Variants in UGGT2 observed in about 807,000 individuals in gnomAD.
The protein encoded by UGGT2 is UDP-glucose:glycoprotein glucosyltransferase 2.
A neutral mutation model predicts 192.1 loss-of-function variants in UGGT2; 180 were observed. The observed-to-expected ratio is 0.94, with a 90% CI of 0.83 to 1.06. The LOEUF is 1.06. Among genes scored for constraint, UGGT2 ranks in the 50% least tolerant of loss-of-function variants. The pLI is 0.00. For missense variants in UGGT2, 1,849 were observed against 1,795.7 expected (o/e 1.03, Z -0.54); for synonymous variants, 580 against 591.0 (o/e 0.98, Z 0.27).
chr13:95,896,690 C>T (rs967492098), intron 22 of UGGT2, among the ~76,000 whole-genome samples: 1 of 152,056 alleles, frequency 6.6e-6, no homozygotes. Context: ...AGCACAGCAT[C>T]AAACAGGAGA....
intron 4 of UGGT2, among the ~76,000 whole-genome samples, chr13:96,015,691 G>T (rs2052314351): frequency 6.6e-6 from 1 of 152,142 alleles, no homozygotes; most frequent in Non-Finnish European, 1.5e-5. Context: ...TAAAACTTCA[G>T]CTTTCTGAAG....
chr13:95,859,718 A>G, intron 32 of UGGT2, 43 bp from the exon 33 acceptor site: 5 of 1,366,322 alleles, frequency 3.7e-6, no homozygotes, highest in Non-Finnish European at 4.0e-6. Context: ...TAACAGTAAC[A>G]GGAGCTCATA....
intron 10 of UGGT2, among the ~76,000 whole-genome samples, chr13:95,981,648 T>C (rs918477160): frequency 1.3e-5 from 2 of 152,220 alleles, no homozygotes; most frequent in African/African-American, 4.8e-5. Flanking sequence ...TACTTCTTTT[T>C]TCGGTGAACA....
chr13:96,006,462 T>C (rs1212323559), intron 5 of UGGT2, among the ~76,000 whole-genome samples: 1 of 151,542 alleles, frequency 6.6e-6, no homozygotes, highest in Admixed American at 6.6e-5. Context: ...ATGTCTCTAC[T>C]AAAAATACAA....
intron 4 of UGGT2, among the ~76,000 whole-genome samples, chr13:96,015,158 G>C (rs1191095919): frequency 4.0e-5 from 6 of 151,770 alleles, no homozygotes. Context: ...GACGCCTGTA[G>C]TCCCAGCTAC....
chr13:96,009,939 T>C (rs182441317), intron 5 of UGGT2, among the ~76,000 whole-genome samples: 523 of 152,102 alleles, frequency 3.4e-3, no homozygotes, highest in South Asian at 5.8e-3. Flanking sequence ...AAAACCACAA[T>C]GAGATACCAT....
chr13:96,023,189 G>C (rs1211484931), intron 3 of UGGT2, 37 bp from the exon 4 acceptor site: 6 of 1,495,534 alleles, frequency 4.0e-6, no homozygotes, highest in Non-Finnish European at 5.4e-6. Context: ...TACAGCAGTT[G>C]ATAATTACAA....
chr13:95,986,264 G>A, intron 9 of UGGT2, 69 bp downstream of exon 9: 2 of 1,097,422 alleles, frequency 1.8e-6, no homozygotes, highest in Admixed American at 4.1e-5. Context: ...AATGAAATCA[G>A]CTATTTTCAT....
chr13:95,993,996 GCTTA>G (rs1205667283), intron 7 of UGGT2, among the ~76,000 whole-genome samples: 1 of 151,950 alleles, frequency 6.6e-6, no homozygotes, highest in Non-Finnish European at 1.5e-5. Flanking sequence ...ATTTTTGAAA[GCTTA>G]CTTATATATG....
chr13:95,999,133 A>T (rs551242852), intron 6 of UGGT2, 78 bp downstream of exon 6: 1 of 1,089,300 alleles, frequency 9.2e-7, no homozygotes, highest in Admixed American at 1.8e-5. Context: ...GATTATACTC[A>T]TTAAATTTTT....
In UGGT2 at chr13:95,921,153, T is replaced by C. The variant is rs116761484; in HGVS notation, c.2295+4527A>G. 8.0e-3 allele frequency among the ~76,000 whole-genome samples: 1,221 copies of C among 151,788 alleles called. 18 individuals carry two copies. The highest frequency in any genetic ancestry group is 0.028 in the African/African-American group (1,168 of 41,378). On this transcript the variant is annotated intron_variant, in intron 20 of 38. Coordinates refer to ENST00000376747, the MANE Select transcript of UGGT2 (RefSeq NM_020121.4). ...GTGGGAGCTGAATGATGAGACCACA[T>C]GGACAAAATGGCATAAACAACACAC...
At chr13:96,027,236 T>A (rs1209166163) in intron 2 of UGGT2, among the ~76,000 whole-genome samples, 1 of 152,080 alleles carries the variant, frequency 6.6e-6, no homozygotes, top group Admixed American at 6.5e-5. Flanking sequence ...CAGAGAAAAG[T>A]CAAAAGAAAT....
chr13:95,891,247 C>T (rs1265983798), intron 24 of UGGT2, among the ~76,000 whole-genome samples: 2 of 151,852 alleles, frequency 1.3e-5, no homozygotes, highest in Non-Finnish European at 2.9e-5. Flanking sequence ...TAATTTTAGG[C>T]CCTCAACATT....
chr13:95,914,612 TAAAAAAAAAAAAAAAAAAAAAAA>T (rs146990164), intron 20 of UGGT2, among the ~76,000 whole-genome samples: 10 of 81,000 alleles, frequency 1.2e-4, no homozygotes, highest in South Asian at 4.7e-4. Flanking sequence ...CCATCTCTAC[TAAAAAAAAAAAAAAAAAAAAAAA>T]AAAAAAAAAA....
chr13:95,998,779 A>C (rs1208523089), intron 6 of UGGT2, among the ~76,000 whole-genome samples: 1 of 152,064 alleles, frequency 6.6e-6, no homozygotes, highest in Non-Finnish European at 1.5e-5. Context: ...ATCCTGCTTC[A>C]GGATAGAAAA....
Position 95,908,205 on chromosome 13 carries a change from A to T in UGGT2, c.2296-5145T>A, listed in dbSNP as rs549094124. 2.6e-5 allele frequency among the ~76,000 whole-genome samples: 4 copies of T among 152,340 alleles called. No individual in the cohort carries two copies. The South Asian group carries it at 6.2e-4, about 24-fold the overall frequency. On this transcript the variant is annotated intron_variant, in intron 20 of 38. Transcript: ENST00000376747. The stretch of plus-strand genomic sequence containing the variant: ...GAGAAGACAAGCTTAGAGAAAAAAG[A>T]CTAAAAAGAAACAAACAAAGCCTCC...
At chr13:96,051,586 A>G (rs1395806245) in intron 1 of UGGT2, among the ~76,000 whole-genome samples, 6 of 152,122 alleles carry the variant, frequency 3.9e-5, no homozygotes, top group Admixed American at 1.3e-4. Context: ...TTCACAATCT[A>G]TACATCTGAA....
chr13:95,856,510 T>C, intron 33 of UGGT2, 170 bp from the exon 34 acceptor site: 2 of 588,170 alleles, frequency 3.4e-6, no homozygotes, highest in Non-Finnish European at 5.7e-6. Context: ...AATATTAAAA[T>C]GCTAACAAAT....
chr13:95,887,379 AT>A, intron 26 of UGGT2: 1 of 478,790 alleles, frequency 2.1e-6, no homozygotes, highest in South Asian at 1.5e-5. Flanking sequence ...GAGAAAGGGT[AT>A]ATTTTTGTCC....
Sources: gnomAD v4.1 joint callset for allele counts (sites outside exome capture counted in the v4.1 genomes callset) on GRCh38, gnomAD v4.1.1 for gene constraint, MANE v1.5 for transcripts, NCBI Gene and HGNC (gene_info 2026-07-23, HGNC 2026-07-21) for gene names.